Variants in CYP4Z1 observed in about 807,000 individuals in gnomAD.
The protein encoded by CYP4Z1 is cytochrome P450 4Z1.
In CYP4Z1, 41 loss-of-function variants were observed where a neutral mutation model predicts 54.2. The ratio of observed to expected loss-of-function variants is 0.76; its 90% confidence interval spans 0.59 to 0.98. The LOEUF (loss-of-function observed/expected upper bound fraction) is 0.98. Among genes scored for constraint, CYP4Z1 ranks in the 50% least tolerant of loss-of-function variants. CYP4Z1 has a pLI of 0.00. For missense variants in CYP4Z1, 513 were observed against 599.0 expected, an observed-to-expected ratio of 0.86 and a Z score of 1.50; for synonymous variants, 163 against 206.2, an observed-to-expected ratio of 0.79 and a Z score of 1.79.
the CYP4Z1 span, among the ~76,000 whole-genome samples, chr1:47,059,731 C>G: frequency 6.6e-6 from 1 of 152,148 alleles, no homozygotes; most frequent in Non-Finnish European, 1.5e-5. Flanking sequence ...CATTTAATTT[C>G]CCTAATTTAG....
chr1:47,098,312 T>G (rs1329965976), intron 7 of CYP4Z1, among the ~76,000 whole-genome samples: 1 of 152,210 alleles, frequency 6.6e-6, no homozygotes, highest in Non-Finnish European at 1.5e-5. Context: ...GGTTTGTAGT[T>G]CTTCTCGAAA....
Position 47,067,653 on chromosome 1 carries a change from T to C in CYP4Z1, c.163T>C (p.Tyr55His), listed in dbSNP as rs1465152336. 2 of 1,607,440 alleles carry C rather than the reference T, an allele frequency of 1.2e-6. No individual in the cohort carries two copies. Among genetic ancestry groups the C allele is most frequent in the Admixed American group, 1.7e-5 (1 of 59,740 alleles). ...TCCTGCACCCCCTGCCCACTGGTTC[T>C]ATGGCCACAAGGAGGTAAGAGGAGA... The part of the protein sequence containing the change: ...LFPAPPAHWF[Y>H]GHKEFYPVKE... The change falls in exon 1 of 12, where the codon TAT becomes CAT. Residue 55 changes from tyrosine (Y) to histidine (H), a missense_variant. Coordinates refer to ENST00000334194, the MANE Select transcript of CYP4Z1 (RefSeq NM_178134.3).
intron 9 of CYP4Z1, 184 bp from the exon 10 acceptor site, chr1:47,115,345 T>C: frequency 2.0e-6 from 1 of 503,670 alleles, no homozygotes. Context: ...TACCTAATGT[T>C]AAATGACGAG....
chr1:47,064,886 G>C (rs868552625), upstream of CYP4Z1, among the ~76,000 whole-genome samples: 51 of 152,256 alleles, frequency 3.3e-4, no homozygotes, highest in Middle Eastern at 0.01. Flanking sequence ...AAAGTGAGCA[G>C]GAGTAGCTGT....
the CYP4Z1 span, among the ~76,000 whole-genome samples, chr1:47,056,588 A>T: frequency 6.6e-6 from 1 of 152,190 alleles, no homozygotes; most frequent in Non-Finnish European, 1.5e-5. Flanking sequence ...GACTTGCTTT[A>T]TGAATCTGGG....
Position 47,106,166 on chromosome 1 carries a change from T to C in CYP4Z1, c.1106T>C (p.Ile369Thr). ...CAGATGCCTTACACCACGATGTGCATCAAGGAATGCCTCCGCCTCTACGCA... is the reference window on the plus strand; with the variant it reads ...CAGATGCCTTACACCACGATGTGCACCAAGGAATGCCTCCGCCTCTACGCA... ...LSQMPYTTMC[I>T]KECLRLYAPV... Residue 369 changes from isoleucine to threonine, a missense_variant, in exon 9 of 12, where the codon ATC (isoleucine) becomes ACC (threonine). Coordinates refer to ENST00000334194, the MANE Select transcript of CYP4Z1 (RefSeq NM_178134.3). 1.9e-6 allele frequency: 3 copies of C among 1,614,032 alleles called. No individual in the cohort carries two copies. The highest frequency in any genetic ancestry group is 2.5e-6 in the Non-Finnish European group (3 of 1,179,960).
intron 6 of CYP4Z1, among the ~76,000 whole-genome samples, chr1:47,086,886 G>T (rs866453945): frequency 5.3e-5 from 8 of 152,090 alleles, no homozygotes; most frequent in Non-Finnish European, 1.2e-4. Context: ...TGTAAGGAAG[G>T]GATCCAGTTT....
chr1:47,082,488 C>T lies in CYP4Z1; in HGVS notation c.492+27C>T, dbSNP rs774087778. On this transcript the variant is annotated intron_variant, in intron 4 of 11. Transcript: ENST00000334194. ...TAAGAGGAGAAGAGAGCATTCGTACCTGGCCTCTGAAGTGAGGTGCTGCCA... is the reference window on the plus strand; with the variant it reads ...TAAGAGGAGAAGAGAGCATTCGTACTTGGCCTCTGAAGTGAGGTGCTGCCA... The T allele has an allele frequency of 1.9e-6, 3 of 1,593,168 alleles. No individual in the cohort carries two copies. The South Asian group carries it at 3.5e-5, about 18-fold the overall frequency.
At chr1:47,115,909 G>C (rs1644826640) in intron 10 of CYP4Z1, among the ~76,000 whole-genome samples, 2 of 152,176 alleles carry the variant, frequency 1.3e-5, no homozygotes, top group African/African-American at 4.8e-5. Context: ...TCTAGTCACA[G>C]ACTTGTGAAG....
intron 7 of CYP4Z1, among the ~76,000 whole-genome samples, chr1:47,095,386 G>A (rs1392271344): frequency 6.6e-6 from 1 of 152,078 alleles, no homozygotes; most frequent in African/African-American, 2.4e-5. Flanking sequence ...ACAGTGCTTG[G>A]TGACTGTCTC....
upstream of CYP4Z1, among the ~76,000 whole-genome samples, chr1:47,063,217 G>A (rs1275594856): frequency 4.6e-5 from 7 of 152,092 alleles, no homozygotes; most frequent in Non-Finnish European, 7.4e-5. Context: ...AGCACCCCTT[G>A]GGACAAAATA....
intron 6 of CYP4Z1, among the ~76,000 whole-genome samples, chr1:47,087,994 C>T (rs1023123663): frequency 1.5e-4 from 23 of 152,036 alleles, no homozygotes; most frequent in African/African-American, 5.1e-4. Context: ...TGCTGGATTA[C>T]GTTGATTGAT....
Position 47,068,782 on chromosome 1 carries a change from T to A in CYP4Z1, c.319+19T>A, listed in dbSNP as rs957464735. ...AGACAAGGTAAAAACCAAGAGGGGCTCACAGTACAGAGCAGCAACAAAGAG... is the reference window on the plus strand; with the variant it reads ...AGACAAGGTAAAAACCAAGAGGGGCACACAGTACAGAGCAGCAACAAAGAG... On this transcript the variant is annotated intron_variant, in intron 2 of 11. Coordinates refer to ENST00000334194, the MANE Select transcript of CYP4Z1 (RefSeq NM_178134.3). 6.2e-7 allele frequency: 1 copy of A among 1,612,994 alleles called. No homozygotes were observed. The highest frequency in any genetic ancestry group is 8.5e-7 in the Non-Finnish European group (1 of 1,179,566).
chr1:47,090,285 T>C (rs1318478361), intron 6 of CYP4Z1, among the ~76,000 whole-genome samples: 2 of 152,232 alleles, frequency 1.3e-5, no homozygotes, highest in Non-Finnish European at 2.9e-5. Context: ...TGACTAAATC[T>C]TTCCTGCAAT....
the CYP4Z1 span, among the ~76,000 whole-genome samples, chr1:47,056,213 C>A: frequency 3.3e-5 from 5 of 152,092 alleles, no homozygotes; most frequent in African/African-American, 1.2e-4. Context: ...GTTCAGTTTC[C>A]ATGTAGTTGA....
chr1:47,068,112 A>T (rs1168688927), intron 1 of CYP4Z1, among the ~76,000 whole-genome samples: 2 of 152,164 alleles, frequency 1.3e-5, no homozygotes, highest in Non-Finnish European at 2.9e-5. Flanking sequence ...CAGCAACCAA[A>T]AGGAGTAAAA....
intron 6 of CYP4Z1, among the ~76,000 whole-genome samples, chr1:47,092,101 C>A (rs1644642366): frequency 2.6e-5 from 4 of 152,004 alleles, no homozygotes; most frequent in Admixed American, 6.6e-5. Flanking sequence ...GTGACCTCCA[C>A]CTCTGGGGGC....
At chr1:47,055,873 C>T in the CYP4Z1 span, among the ~76,000 whole-genome samples, 13 of 151,188 alleles carry the variant, frequency 8.6e-5, no homozygotes, top group Non-Finnish European at 1.6e-4. Flanking sequence ...AAAGCCAGCT[C>T]CTGGATTCAT....
chr1:47,102,786 A>G (rs1180197151), intron 8 of CYP4Z1, among the ~76,000 whole-genome samples: 2 of 152,094 alleles, frequency 1.3e-5, no homozygotes, highest in African/African-American at 4.8e-5. Context: ...TGACAGTTTG[A>G]CTGTAATACG....
Sources: allele counts gnomAD v4.1 joint callset (sites outside exome capture counted in the v4.1 genomes callset), GRCh38; gene constraint gnomAD v4.1.1; transcripts MANE v1.5; gene names NCBI Gene and HGNC (gene_info 2026-07-23, HGNC 2026-07-21).